Variants in EXOC4 observed in about 807,000 individuals in gnomAD.
EXOC4 encodes the protein exocyst complex component 4, also known as SEC8-like 1.
In EXOC4, 71 loss-of-function variants were observed where a neutral mutation model predicts 107.2. That is an observed-to-expected ratio of 0.66 (90% confidence interval 0.55 to 0.81). EXOC4 has a LOEUF of 0.81. Ranked by LOEUF, EXOC4 falls within the 30% of genes least tolerant of loss-of-function variation. The pLI is 0.00. For synonymous variants in EXOC4, 456 were observed against 441.2 expected (o/e 1.03, Z -0.42); for missense variants, 1,108 against 1,189.6 (o/e 0.93, Z 1.01).
intron 12 of EXOC4, among the ~76,000 whole-genome samples, chr7:133,913,004 A>C (rs1799730633): frequency 6.6e-6 from 1 of 152,156 alleles, no homozygotes; most frequent in Non-Finnish European, 1.5e-5. Context: ...AGGCACAAAA[A>C]AAGAGGACTC....
At chr7:133,572,454 T>TA (rs1028710162) in intron 9 of EXOC4, among the ~76,000 whole-genome samples, 5 of 152,022 alleles carry the variant, frequency 3.3e-5, no homozygotes, top group Non-Finnish European at 7.4e-5. Flanking sequence ...TTATTCAATA[T>TA]AAAAAAAATA....
intron 4 of EXOC4, among the ~76,000 whole-genome samples, chr7:133,316,130 T>C (rs948759956): frequency 6.6e-6 from 1 of 152,194 alleles, no homozygotes; most frequent in African/African-American, 2.4e-5. Flanking sequence ...TTTTCAAAGA[T>C]CTCTGAAAAA....
At chr7:133,447,608 C>CT (rs994647374) in intron 7 of EXOC4, among the ~76,000 whole-genome samples, 6 of 151,490 alleles carry the variant, frequency 4.0e-5, no homozygotes, top group African/African-American at 1.5e-4. Context: ...TTTAAATAAG[C>CT]TTTTTTCTGT....
intron 10 of EXOC4, among the ~76,000 whole-genome samples, chr7:133,746,100 A>C (rs1273746109): frequency 1.3e-5 from 2 of 152,116 alleles, no homozygotes; most frequent in African/African-American, 2.4e-5. Context: ...AAGAAGAAAA[A>C]ATTTCTCATA....
chr7:133,702,893 A>G (rs768762412), intron 10 of EXOC4, among the ~76,000 whole-genome samples: 5 of 152,236 alleles, frequency 3.3e-5, no homozygotes, highest in African/African-American at 4.8e-5. Context: ...GTAATTTTGC[A>G]GTGTTAACAA....
At chr7:133,691,528 G>A (rs189334817) in intron 10 of EXOC4, among the ~76,000 whole-genome samples, 1 of 152,288 alleles carries the variant, frequency 6.6e-6, no homozygotes, top group Admixed American at 6.5e-5. Context: ...AGTATATTCT[G>A]TATGCCAGAA....
chr7:134,095,068 G>A, the EXOC4 span, among the ~76,000 whole-genome samples: 29 of 152,062 alleles, frequency 1.9e-4, no homozygotes, highest in African/African-American at 4.1e-4. Flanking sequence ...AAACTCCACC[G>A]AAAGGCTCCT....
At chr7:133,469,010 T>G (rs1346123484) in intron 7 of EXOC4, among the ~76,000 whole-genome samples, 1 of 152,114 alleles carries the variant, frequency 6.6e-6, no homozygotes, top group African/African-American at 2.4e-5. Flanking sequence ...CTTGAGACAA[T>G]TTTTTCATGT....
At chr7:134,083,171 G>A in the EXOC4 span, among the ~76,000 whole-genome samples, 3 of 152,244 alleles carry the variant, frequency 2.0e-5, no homozygotes, top group South Asian at 6.2e-4. Context: ...TCACCAAGAG[G>A]ACAAGGGAGG....
rs141369405 is a variant in EXOC4 at position 133,356,509 on chromosome 7, A to G, written c.943A>G (p.Thr315Ala). The G allele has an allele frequency of 6.2e-7, 1 of 1,614,012 alleles. No individual in the cohort carries two copies. The highest frequency in any genetic ancestry group is 1.3e-5 in the African/African-American group (1 of 74,944). ...GTTGAAGCAAATTGTGAAGAGGTCT[A>G]CAACCCAGGTGGCAGACAGTGGCTA... is the stretch of plus-strand genomic sequence containing the variant. ...QELKQIVKRS[T>A]TQVADSGYQR... Residue 315 changes from threonine (T) to alanine (A), a missense_variant, in exon 6 of 18, where the codon ACA becomes GCA. Physicochemically the swap from Thr to Ala is moderately conservative, Grantham distance 58. Coordinates refer to ENST00000253861, the MANE Select transcript of EXOC4 (RefSeq NM_021807.4).
chr7:133,557,356 T>C (rs1412451390), intron 9 of EXOC4, among the ~76,000 whole-genome samples: 1 of 152,174 alleles, frequency 6.6e-6, no homozygotes, highest in African/African-American at 2.4e-5. Context: ...TGTTTTTAAT[T>C]GACATATAAT....
intron 9 of EXOC4, among the ~76,000 whole-genome samples, chr7:133,615,998 C>T (rs1471397792): frequency 1.3e-5 from 2 of 152,098 alleles, no homozygotes; most frequent in African/African-American, 4.8e-5. Context: ...ATCAGTCAAA[C>T]GTAGTATGTA....
chr7:133,744,298 C>T (rs1230257852), intron 10 of EXOC4, among the ~76,000 whole-genome samples: 3 of 152,142 alleles, frequency 2.0e-5, no homozygotes, highest in African/African-American at 7.2e-5. Context: ...CTCTGCCCCT[C>T]ATCACCGCTG....
At chr7:133,973,549 G>C (rs745725296) in intron 14 of EXOC4, among the ~76,000 whole-genome samples, 4 of 152,108 alleles carry the variant, frequency 2.6e-5, no homozygotes, top group Non-Finnish European at 5.9e-5. Context: ...AAGAAGTAAC[G>C]AAGCTAGAGA....
At chr7:134,042,477 GAAAA>G (rs35579992) in intron 17 of EXOC4, among the ~76,000 whole-genome samples, 1 of 145,268 alleles carries the variant, frequency 6.9e-6, no homozygotes, top group Non-Finnish European at 1.5e-5. Flanking sequence ...AGCATGCTAG[GAAAA>G]AAAAAAAAAG....
At chr7:133,393,544 A>G (rs1360295235) in intron 7 of EXOC4, among the ~76,000 whole-genome samples, 1 of 152,192 alleles carries the variant, frequency 6.6e-6, no homozygotes, top group Non-Finnish European at 1.5e-5. Flanking sequence ...GCCAGTCCCC[A>G]ATGTGATGGT....
intron 9 of EXOC4, among the ~76,000 whole-genome samples, chr7:133,487,602 A>T (rs1034549304): frequency 1.3e-5 from 2 of 152,060 alleles, no homozygotes; most frequent in African/African-American, 4.8e-5. Context: ...CTAGCTAGTC[A>T]GGAGGCTGAG....
At chr7:133,761,813 T>C (rs1221354625) in intron 10 of EXOC4, among the ~76,000 whole-genome samples, 1 of 152,188 alleles carries the variant, frequency 6.6e-6, no homozygotes, top group Non-Finnish European at 1.5e-5. Context: ...CATAAGCAAA[T>C]ACTTTCACCT....
intron 5 of EXOC4, among the ~76,000 whole-genome samples, chr7:133,321,244 G>A (rs1203816630): frequency 1.3e-5 from 2 of 151,452 alleles, no homozygotes; most frequent in Non-Finnish European, 2.9e-5. Flanking sequence ...TTTTTCACGT[G>A]TCCTATTTTG....
Sources: allele counts gnomAD v4.1 joint callset (sites outside exome capture counted in the v4.1 genomes callset), GRCh38; gene constraint gnomAD v4.1.1; transcripts MANE v1.5; gene names NCBI Gene and HGNC (gene_info 2026-07-23, HGNC 2026-07-21).